C2CD3: variants seen among roughly 807,000 people sequenced by gnomAD.
The protein encoded by C2CD3 is C2 domain-containing protein 3.
In C2CD3, 148 loss-of-function variants were observed where a neutral mutation model predicts 234.0. That is an observed-to-expected ratio of 0.63 (90% CI 0.55 to 0.72). C2CD3 has a LOEUF of 0.72. C2CD3 is among the 30% of genes least tolerant of loss of function. C2CD3 has a pLI of 0.00. For missense variants in C2CD3, 2,577 were observed against 2,811.5 expected, an observed-to-expected ratio of 0.92 and a Z score of 1.89; for synonymous variants, 1,000 against 1,035.4, an observed-to-expected ratio of 0.97 and a Z score of 0.66.
intron 32 of C2CD3, among the ~76,000 whole-genome samples, chr11:74,017,627 C>T (rs963195916): frequency 5.3e-5 from 8 of 152,152 alleles, no homozygotes; most frequent in African/African-American, 9.7e-5. Flanking sequence ...CTTAGCCAAG[C>T]GGTGTTGGGC....
chr11:74,037,434 C>T (rs1401579170), intron 30 of C2CD3, 44 bp downstream of exon 30: 1 of 1,457,462 alleles, frequency 6.9e-7, no homozygotes, highest in East Asian at 2.3e-5. Context: ...TGAATTAGCA[C>T]CTAGTGACCA....
intron 12 of C2CD3, among the ~76,000 whole-genome samples, chr11:74,106,776 C>A (rs754751215): frequency 6.6e-6 from 1 of 152,168 alleles, no homozygotes. Context: ...AAATGTTCAA[C>A]TTCACTATTA....
chr11:74,124,543 G>A (rs1371475360), intron 7 of C2CD3, among the ~76,000 whole-genome samples: 1 of 151,982 alleles, frequency 6.6e-6, no homozygotes, highest in Admixed American at 6.6e-5. Flanking sequence ...TCCAGACACT[G>A]TAAATGTCTC....
At chr11:74,046,642 T>G (rs757744470) in intron 28 of C2CD3, among the ~76,000 whole-genome samples, 1 of 151,962 alleles carries the variant, frequency 6.6e-6, no homozygotes, top group Non-Finnish European at 1.5e-5. Flanking sequence ...TGTACTCTTT[T>G]TCGTCTAGCT....
intron 3 of C2CD3, among the ~76,000 whole-genome samples, chr11:74,148,819 G>GT (rs1207970453): frequency 5.3e-5 from 8 of 152,144 alleles, no homozygotes; most frequent in Non-Finnish European, 1.0e-4. Context: ...TTTCAGGAGA[G>GT]ATCCCATGGT....
intron 32 of C2CD3, among the ~76,000 whole-genome samples, chr11:74,023,236 T>C (rs1952159732): frequency 6.6e-6 from 1 of 152,230 alleles, no homozygotes; most frequent in Non-Finnish European, 1.5e-5. Flanking sequence ...TTACGAGCCC[T>C]CTCCTGTTTC....
At chr11:74,026,091 C>T (rs978691771) in intron 32 of C2CD3, among the ~76,000 whole-genome samples, 37 of 152,264 alleles carry the variant, frequency 2.4e-4, no homozygotes, top group African/African-American at 8.2e-4. Flanking sequence ...AGAGGATTTA[C>T]AAACCTGATA....
chr11:74,168,002 C>T, intron 2 of C2CD3: 1 of 217,680 alleles, frequency 4.6e-6, no homozygotes, highest in Non-Finnish European at 9.2e-6. Context: ...GTTTTGGTGA[C>T]AGACAGAAGT....
chr11:74,054,271 CAAAAAAA>C lies in C2CD3; in HGVS notation c.5155+329_5155+335del, dbSNP rs576353352. ...TGGGCAACACAGCAAGATTCTGTCT[CAAAAAAA>C]AAAAAAAAAAAAAATTAGCTAGGCA... On this transcript the variant is annotated intron_variant, in intron 26 of 32. Transcript: ENST00000334126. Among the ~76,000 whole-genome samples, 3 of 94,430 alleles carry C rather than the reference CAAAAAAA, an allele frequency of 3.2e-5. 1 individual carries two copies. The highest frequency in any genetic ancestry group is 8.4e-5 in the African/African-American group (2 of 23,946). The allele number at this position is 94,430 out of a possible 152,430, so 61.9% of individuals were successfully genotyped here. A position where few individuals can be genotyped will look rare whatever the true frequency, so the allele number is the denominator to read the frequency against.
rs1352281 is a variant in C2CD3 at position 74,015,100 on chromosome 11, A to C, written c.6922-1575T>G. 6.2e-4 allele frequency among the ~76,000 whole-genome samples: 94 copies of C among 152,342 alleles called. No individual in the cohort carries two copies. The East Asian group carries it at 0.014, about 23-fold the overall frequency. On this transcript the variant is annotated intron_variant, in intron 32 of 32. Coordinates refer to ENST00000334126, the MANE Select transcript of C2CD3 (RefSeq NM_001286577.2). ...CCTGCACTGCATGATGCCTCAGACC[A>C]GGGGAGGCCAGTGGCCAGCCTCTGC... is the stretch of plus-strand genomic sequence containing the variant.
At chr11:74,146,747 C>CACAT (rs58129019) in intron 3 of C2CD3, among the ~76,000 whole-genome samples, 7,914 of 144,088 alleles carry the variant, frequency 0.055, 556 homozygotes, top group African/African-American at 0.16. Flanking sequence ...CACACACACA[C>CACAT]AATTAACATA....
chr11:74,123,737 CTTTTT>C (rs5792646), intron 7 of C2CD3, among the ~76,000 whole-genome samples: 2 of 119,480 alleles, frequency 1.7e-5, no homozygotes, highest in African/African-American at 3.6e-5. Context: ...ACGCTGGTAT[CTTTTT>C]TTTTTTTTTT....
rs936014399 is a variant in C2CD3 at position 74,033,556 on chromosome 11, C to T, written c.6604G>A (p.Glu2202Lys). The part of the protein sequence containing the change: ...WSSPQTDQNK[E>K]PKSEAPAENE... The stretch of plus-strand genomic sequence containing the variant: ...TCAGCTGGGGCCTCTGACTTGGGCT[C>T]CTTGTTCTGATCTGTCTGTGGTGAG... The change falls in exon 31 of 33, where the codon GAG becomes AAG. Residue 2202 changes from glutamate (E) to lysine (K), a missense_variant. Glu to Lys is a moderately conservative substitution (Grantham distance 56). Transcript: ENST00000334126. 9 of 1,536,066 alleles carry T rather than the reference C, an allele frequency of 5.9e-6. No individual in the cohort carries two copies. Among genetic ancestry groups the T allele is most frequent in the African/African-American group, 1.4e-5 (1 of 73,032 alleles).
chr11:74,111,969 C>CAT (rs1262518509), intron 11 of C2CD3, among the ~76,000 whole-genome samples: 31 of 84,490 alleles, frequency 3.7e-4, no homozygotes, highest in East Asian at 1.8e-3. Context: ...CACACACACA[C>CAT]ATATATATAT....
At chr11:74,095,547 G>T in intron 16 of C2CD3, 139 bp from the exon 17 acceptor site, 1 of 581,088 alleles carries the variant, frequency 1.7e-6, no homozygotes, top group Non-Finnish European at 2.9e-6. Context: ...AATTTTCATT[G>T]TAACTCTCAC....
chr11:74,032,896 G>C (rs923227984), intron 31 of C2CD3, among the ~76,000 whole-genome samples: 2 of 150,724 alleles, frequency 1.3e-5, no homozygotes, highest in African/African-American at 4.9e-5. Context: ...CAATAACTGA[G>C]CATCAGTTTC....
chr11:74,164,230 T>G, intron 2 of C2CD3: 3 of 958,886 alleles, frequency 3.1e-6, no homozygotes, highest in Non-Finnish European at 3.7e-6. Flanking sequence ...TTCACATTCC[T>G]ACTAACTGAA....
intron 29 of C2CD3, among the ~76,000 whole-genome samples, chr11:74,039,674 C>T (rs943275745): frequency 2.6e-5 from 4 of 152,162 alleles, no homozygotes; most frequent in Admixed American, 2.6e-4. Context: ...TGTCTGGAGA[C>T]ATTTTGGGTT....
chr11:74,090,686 CAGAAAA>C (rs1232000327), intron 20 of C2CD3, 121 bp downstream of exon 20: 1 of 1,025,502 alleles, frequency 9.8e-7, no homozygotes, highest in East Asian at 2.4e-5. Context: ...GCTTTATTAA[CAGAAAA>C]AGAGGAGTTG....
Sources: allele counts gnomAD v4.1 joint callset (sites outside exome capture counted in the v4.1 genomes callset), GRCh38; gene constraint gnomAD v4.1.1; transcripts MANE v1.5; gene names NCBI Gene and HGNC (gene_info 2026-07-23, HGNC 2026-07-21).